NBAS: variants seen among roughly 807,000 people sequenced by gnomAD.
The protein encoded by NBAS is NAG/BC035112 fusion.
In NBAS, 219 loss-of-function variants were observed where a neutral mutation model predicts 302.5. The observed-to-expected ratio is 0.72, with a 90% confidence interval of 0.65 to 0.81. The LOEUF is 0.81. Ranked by LOEUF, NBAS falls within the 30% of genes least tolerant of loss-of-function variation. NBAS has a pLI of 0.00. For missense variants in NBAS, 2,932 were observed against 2,841.6 expected, an observed-to-expected ratio of 1.03 and a Z score of -0.72; for synonymous variants, 1,118 against 1,021.6, an observed-to-expected ratio of 1.09 and a Z score of -1.80.
In NBAS at chr2:15,272,773, A is replaced by C. The variant is rs151240365; in HGVS notation, c.5724+2711T>G. Among the ~76,000 whole-genome samples, 485 of 152,346 alleles carry C rather than the reference A, an allele frequency of 3.2e-3. 6 individuals are homozygous for C. Among genetic ancestry groups the C allele is most frequent in the Non-Finnish European group, 1.3e-3 (89 of 68,032 alleles). ...TAATTAGCAGACTGAATCTTTACTG[A>C]GTCAGGTGCACCTCTAACCCAACAA... On this transcript the variant is annotated intron_variant, in intron 44 of 51. Transcript: ENST00000281513.
At chr2:15,109,482 T>C in the NBAS span, among the ~76,000 whole-genome samples, 3 of 152,178 alleles carry the variant, frequency 2.0e-5, no homozygotes, top group African/African-American at 7.2e-5. Context: ...TGGGGTGCTA[T>C]GTGAACATGA....
chr2:14,876,490 TC>T, the NBAS span, among the ~76,000 whole-genome samples: 1 of 152,164 alleles, frequency 6.6e-6, no homozygotes. Context: ...GATTTTCTTT[TC>T]CCAAGAGTAT....
intron 22 of NBAS, among the ~76,000 whole-genome samples, chr2:15,426,631 G>A (rs930752225): frequency 7.9e-5 from 12 of 152,052 alleles, no homozygotes; most frequent in Non-Finnish European, 1.8e-4. Flanking sequence ...TTTATACAAT[G>A]CTATTGATAT....
the NBAS span, among the ~76,000 whole-genome samples, chr2:14,830,228 C>A: frequency 1.3e-5 from 2 of 152,164 alleles, no homozygotes; most frequent in East Asian, 3.9e-4. Context: ...TTTCTTAGGT[C>A]TCTTTCTGGA....
intron 48 of NBAS, among the ~76,000 whole-genome samples, chr2:15,208,379 T>C (rs1666246067): frequency 6.6e-6 from 1 of 152,174 alleles, no homozygotes; most frequent in African/African-American, 2.4e-5. Flanking sequence ...CATGTGGTAA[T>C]TATGGGAACT....
At chr2:15,273,075 C>A (rs1371799563) in intron 44 of NBAS, among the ~76,000 whole-genome samples, 1 of 152,058 alleles carries the variant, frequency 6.6e-6, no homozygotes, top group Non-Finnish European at 1.5e-5. Flanking sequence ...AGCAGACAGC[C>A]CCAGATGATC....
At position 15,480,389 on chromosome 2, in the gene NBAS, A is replaced by C. The variant is rs530296121; in HGVS notation, c.1084-2100T>G. 3.0e-3 allele frequency among the ~76,000 whole-genome samples: 448 copies of C among 151,800 alleles called. 1 individual carries two copies. Among genetic ancestry groups the C allele is most frequent in the African/African-American group, 0.01 (432 of 41,282 alleles). On this transcript the variant is annotated intron_variant, in intron 12 of 51. Transcript: ENST00000281513. ...GCTGAGACAAAAGGAAAAAAAAAAA[A>C]CCGATATTGCAGTCCCAAAACTCAA... is the stretch of plus-strand genomic sequence containing the variant.
the NBAS span, among the ~76,000 whole-genome samples, chr2:15,016,958 C>T: frequency 3.1e-4 from 47 of 152,052 alleles, no homozygotes; most frequent in African/African-American, 1.0e-3. Flanking sequence ...GTATCTATCC[C>T]CTTAACTATT....
the NBAS span, chr2:14,886,511 C>T: frequency 6.6e-6 from 1 of 152,172 alleles, no homozygotes; most frequent in South Asian, 2.1e-4. Context: ...CTATGCATTT[C>T]CTGAAGGCAG....
At chr2:14,941,644 C>T in the NBAS span, among the ~76,000 whole-genome samples, 2 of 149,570 alleles carry the variant, frequency 1.3e-5, no homozygotes, top group Non-Finnish European at 3.0e-5. Flanking sequence ...GTGTGTCACC[C>T]GCTCCCACAG....
chr2:15,218,001 G>T (rs1382183745), intron 48 of NBAS, among the ~76,000 whole-genome samples: 1 of 152,202 alleles, frequency 6.6e-6, no homozygotes, highest in African/African-American at 2.4e-5. Context: ...AGTGAGCCTT[G>T]AAGTATGGTA....
intron 48 of NBAS, among the ~76,000 whole-genome samples, chr2:15,203,595 C>A (rs1665982576): frequency 6.6e-6 from 1 of 151,894 alleles, no homozygotes; most frequent in African/African-American, 2.4e-5. Flanking sequence ...AATAGAATGA[C>A]AAGAACAAAT....
chr2:15,266,544 C>A (rs545419009), intron 44 of NBAS, among the ~76,000 whole-genome samples: 5 of 152,126 alleles, frequency 3.3e-5, no homozygotes, highest in African/African-American at 1.2e-4. Context: ...CTCATCCACT[C>A]TCACCCATTA....
rs1457572123 is a variant in NBAS at position 15,536,497 on chromosome 2, C to G, written c.568G>C (p.Glu190Gln). Reference sequence around the variant, plus strand: ...GACCACTGTGCACTTGCTTTATATTCTAAAAATATCAACCCAGCAATGGCA... The same window carrying G: ...GACCACTGTGCACTTGCTTTATATTGTAAAAATATCAACCCAGCAATGGCA... ...SYAIAGLIFL[E>Q]YKASAQWSAE... Residue 190 changes from glutamate (E) to glutamine (Q), a missense_variant, in exon 8 of 52, where the codon GAA (glutamate) becomes CAA (glutamine). By Grantham distance (29) the Glu-to-Gln change is conservative. Transcript: ENST00000281513. 6.2e-7 allele frequency: 1 copy of G among 1,612,452 alleles called. No individual in the cohort carries two copies. The highest frequency in any genetic ancestry group is 1.7e-4 in the Middle Eastern group (1 of 6,060).
the NBAS span, among the ~76,000 whole-genome samples, chr2:15,068,161 T>G: frequency 1.3e-5 from 2 of 152,254 alleles, no homozygotes; most frequent in African/African-American, 4.8e-5. Context: ...ACTGGCTGTA[T>G]AGCCTCAGGC....
chr2:15,350,278 C>CA lies in NBAS; in HGVS notation c.4179+1713dup, dbSNP rs907523443. 2.6e-4 allele frequency among the ~76,000 whole-genome samples: 38 copies of CA among 145,942 alleles called. No individual in the cohort carries two copies. In the East Asian group the frequency reaches 5.5e-3, roughly 21 times the overall value. ...AATGACTTTGTCAAGATGGATACAG[C>CA]AAAAAAAAAAGTTAGTGCAGTTCAC... On this transcript the variant is annotated intron_variant, in intron 35 of 51. Transcript: ENST00000281513.
chr2:14,870,416 C>A, the NBAS span, among the ~76,000 whole-genome samples: 1 of 152,208 alleles, frequency 6.6e-6, no homozygotes, highest in Non-Finnish European at 1.5e-5. Flanking sequence ...GCTGAATGAT[C>A]ACCAGGACTT....
chr2:15,147,779 C>T, the NBAS span, among the ~76,000 whole-genome samples: 2 of 151,966 alleles, frequency 1.3e-5, no homozygotes, highest in African/African-American at 4.8e-5. Flanking sequence ...AAATGCGTTG[C>T]TGGGAACGCT....
At chr2:14,825,040 C>T in the NBAS span, among the ~76,000 whole-genome samples, 1 of 152,106 alleles carries the variant, frequency 6.6e-6, no homozygotes, top group Non-Finnish European at 1.5e-5. Context: ...TTTTAATTCA[C>T]AGAAAGAAAG....
Sources: gnomAD v4.1 joint callset for allele counts (sites outside exome capture counted in the v4.1 genomes callset) on GRCh38, gnomAD v4.1.1 for gene constraint, MANE v1.5 for transcripts, NCBI Gene and HGNC (gene_info 2026-07-23, HGNC 2026-07-21) for gene names.